ATP7B: variants seen among roughly 807,000 people sequenced by gnomAD.
ATP7B encodes ATPase copper transporting beta, also known as copper-transporting ATPase 2.
A neutral mutation model predicts 118.9 loss-of-function variants in ATP7B; 113 were observed. The ratio of observed to expected loss-of-function variants is 0.95; its 90% CI spans 0.82 to 1.11. ATP7B has a LOEUF of 1.11. Ranked by LOEUF, ATP7B falls within the 50% of genes most tolerant of loss-of-function variation. The pLI is 0.00. For synonymous variants in ATP7B, 777 were observed against 727.4 expected (o/e 1.07, Z -1.10); for missense variants, 1,867 against 1,871.4 (o/e 1.00, Z 0.04).
chr13:51,949,997 T>C lies in ATP7B; in HGVS notation c.2730+10A>G, dbSNP rs1593695636. On this transcript the variant is annotated intron_variant, in intron 11 of 20. Coordinates refer to ENST00000242839, the MANE Select transcript of ATP7B (RefSeq NM_000053.4). ...AAAGATGAAGTTAGTTTTAAAAATT[T>C]CTTCATTACCTTTGACATCTGAGCC... The C allele has an allele frequency of 6.2e-7, 1 of 1,614,206 alleles. No homozygotes were observed. The highest frequency in any genetic ancestry group is 1.1e-5 in the South Asian group (1 of 91,086).
chr13:51,934,217 C>T lies in ATP7B; in HGVS notation c.*539G>A, dbSNP rs1956835741. The T allele has an allele frequency of 4.9e-6, 1 of 205,598 alleles. No homozygotes were observed. Among genetic ancestry groups the T allele is most frequent in the Admixed American group, 5.2e-5 (1 of 19,136 alleles). 12.7% of individuals were successfully genotyped at this position (205,598 alleles called of 1,614,324 possible). A position where few individuals can be genotyped will look rare whatever the true frequency, so the allele number is the denominator to read the frequency against. The stretch of plus-strand genomic sequence containing the variant: ...TGCGAGGGGTCCCCACTGACAAGCA[C>T]ACAGGAGAGAAAAGGAACAGACTAT... On this transcript the variant is annotated 3_prime_UTR_variant, in exon 21 of 21. Transcript: ENST00000242839.
chr13:51,966,594 A>G (rs1050286037), intron 4 of ATP7B: 9 of 669,826 alleles, frequency 1.3e-5, no homozygotes, highest in East Asian at 8.1e-5. Context: ...GACTAGTTAA[A>G]TGCAGAAATT....
chr13:51,947,865 T>A (rs997651977), intron 12 of ATP7B: 1 of 152,126 alleles, frequency 6.6e-6, no homozygotes, highest in African/African-American at 2.4e-5. Context: ...TTTGCCAGCA[T>A]CCTCCCTGAT....
rs1193744248 is a variant in ATP7B at position 51,935,706 on chromosome 13, A to G, written c.4022-11T>C. 1 of 1,606,806 alleles carries G rather than the reference A, an allele frequency of 6.2e-7. No individual in the cohort carries two copies. Among genetic ancestry groups the G allele is most frequent in the Non-Finnish European group, 8.5e-7 (1 of 1,176,708 alleles). On this transcript the variant is annotated splice_polypyrimidine_tract_variant and intron_variant, in intron 19 of 20. Transcript: ENST00000242839. Reference sequence around the variant, plus strand: ...TGGGCATGAAGACACCTGGGGAAGAAAGAACTCGCACTCACACCTAGGTCT... The same window carrying G: ...TGGGCATGAAGACACCTGGGGAAGAGAGAACTCGCACTCACACCTAGGTCT...
intron 13 of ATP7B, among the ~76,000 whole-genome samples, chr13:51,945,852 T>C (rs1189019313): frequency 6.6e-5 from 10 of 151,950 alleles, no homozygotes; most frequent in Admixed American, 5.9e-4. Flanking sequence ...ACAAACACCG[T>C]CACTCACTCT....
At chr13:51,960,450 G>T in intron 6 of ATP7B, 128 bp from the exon 7 acceptor site, 1 of 1,189,546 alleles carries the variant, frequency 8.4e-7, no homozygotes, top group Non-Finnish European at 1.2e-6. Flanking sequence ...ACCACCAGGG[G>T]TTAAAATGAA....
intron 3 of ATP7B, 144 bp downstream of exon 3, chr13:51,970,348 A>G: frequency 1.7e-6 from 2 of 1,170,196 alleles, no homozygotes; most frequent in Admixed American, 1.8e-5. Context: ...ATACAAGGAC[A>G]TTAGACAAAC....
chr13:51,937,517 T>C lies in ATP7B; in HGVS notation c.3862A>G (p.Thr1288Ala), dbSNP rs1257330000. The C allele has an allele frequency of 1.2e-6, 2 of 1,614,196 alleles. No homozygotes were observed. Among genetic ancestry groups the C allele is most frequent in the South Asian group, 2.2e-5 (2 of 91,088 alleles). Residue 1288 changes from threonine (T) to alanine (A), a missense_variant, in exon 18 of 21, where the codon ACG becomes GCG. Transcript: ENST00000242839. ...TCGGCTGCCTCGATGGCCACATCCG[T>C]GCCGGTGCCAATGGCCACACCCATG... is the stretch of plus-strand genomic sequence containing the variant. ...ADMGVAIGTG[T>A]DVAIEAADVV...
intron 5 of ATP7B, among the ~76,000 whole-genome samples, chr13:51,963,473 T>C (rs995377045): frequency 4.3e-4 from 66 of 151,890 alleles, no homozygotes; most frequent in African/African-American, 1.3e-3. Context: ...CGGTGGCTCA[T>C]GCCTGTAATC....
At position 51,944,296 on chromosome 13, in the gene ATP7B, CA is replaced by C; in HGVS notation, c.3061-6del. On this transcript the variant is annotated splice_region_variant and splice_polypyrimidine_tract_variant and intron_variant, in intron 13 of 20. Transcript: ENST00000242839. Reference sequence around the variant, plus strand: ...GTCAAACATCACAGTCTTTATCTGCCAAAAACAACCACAACTCACTGACCAC... The same window carrying C: ...GTCAAACATCACAGTCTTTATCTGCCAAAACAACCACAACTCACTGACCAC... 1 of 1,613,688 alleles carries C rather than the reference CA, an allele frequency of 6.2e-7. No homozygotes were observed. The highest frequency in any genetic ancestry group is 8.5e-7 in the Non-Finnish European group (1 of 1,179,960).
rs746051031 is a variant in ATP7B at position 51,942,340 on chromosome 13, C to T, written c.3412+46G>A. On this transcript the variant is annotated intron_variant, in intron 15 of 20. Coordinates refer to ENST00000242839, the MANE Select transcript of ATP7B (RefSeq NM_000053.4). ...GGGCGTGGTGCTCTCTGTGGTTTGACCCACCTCTACTTTTAACCAGCTGCA... is the reference window on the plus strand; with the variant it reads ...GGGCGTGGTGCTCTCTGTGGTTTGATCCACCTCTACTTTTAACCAGCTGCA... 24 of 1,610,994 alleles carry T rather than the reference C, an allele frequency of 1.5e-5. No homozygotes were observed. The South Asian group carries it at 2.6e-4, about 18-fold the overall frequency.
intron 1 of ATP7B, among the ~76,000 whole-genome samples, chr13:52,005,975 G>A (rs982154075): frequency 3.9e-5 from 6 of 152,218 alleles, no homozygotes; most frequent in African/African-American, 9.6e-5. Flanking sequence ...CACCTGGCCC[G>A]CCCAGGGCAG....
chr13:51,985,437 A>G (rs1479337320), intron 1 of ATP7B, among the ~76,000 whole-genome samples: 1 of 152,182 alleles, frequency 6.6e-6, no homozygotes, highest in Non-Finnish European at 1.5e-5. Context: ...GAGACCTACA[A>G]AAAGACTTAG....
rs1449233606 is a variant in ATP7B at position 51,944,245 on chromosome 13, A to T, written c.3107T>A (p.Val1036Asp). The change falls in exon 14 of 21, where the codon GTC (valine) becomes GAC (aspartate). Residue 1036 changes from valine (V) to aspartate (D), a missense_variant. Physicochemically the swap from Val to Asp is radical, Grantham distance 152. Coordinates refer to ENST00000242839, the MANE Select transcript of ATP7B (RefSeq NM_000053.4). ...CAGGAGCACCCGCATGACCCTGGGGACGCCATGGGTAATGGTGCCAGTCTT... is the reference window on the plus strand; with the variant it reads ...CAGGAGCACCCGCATGACCCTGGGGTCGCCATGGGTAATGGTGCCAGTCTT... ...FDKTGTITHG[V>D]PRVMRVLLLG... The T allele has an allele frequency of 6.2e-7, 1 of 1,614,050 alleles. No homozygotes were observed. The highest frequency in any genetic ancestry group is 1.1e-5 in the South Asian group (1 of 91,078).
chr13:51,991,535 C>A (rs1428975423), intron 1 of ATP7B, among the ~76,000 whole-genome samples: 1 of 152,084 alleles, frequency 6.6e-6, no homozygotes, highest in Non-Finnish European at 1.5e-5. Context: ...CAAGCTTGGC[C>A]AAAGAAGTCA....
intron 4 of ATP7B, chr13:51,966,821 G>A (rs1951573277): frequency 3.1e-6 from 5 of 1,613,244 alleles, no homozygotes; most frequent in Non-Finnish European, 4.2e-6. Context: ...AAGGAGCTAG[G>A]AGTGGGAATA....
intron 1 of ATP7B, among the ~76,000 whole-genome samples, chr13:51,988,067 TTAAAC>T (rs1238483045): frequency 1.3e-5 from 2 of 152,072 alleles, no homozygotes; most frequent in Non-Finnish European, 2.9e-5. Flanking sequence ...TGGGATCTAA[TTAAAC>T]TAAAGAGCTT....
chr13:51,957,669 T>A, intron 8 of ATP7B, 62 bp from the exon 9 acceptor site: 6 of 1,505,722 alleles, frequency 4.0e-6, no homozygotes, highest in Non-Finnish European at 5.5e-6. Context: ...AAACCCAGCC[T>A]GAGAGTCACA....
At chr13:51,983,223 G>A (rs1952504818) in intron 1 of ATP7B, among the ~76,000 whole-genome samples, 2 of 152,150 alleles carry the variant, frequency 1.3e-5, no homozygotes, top group Admixed American at 6.5e-5. Context: ...CTCAAGCTTG[G>A]TCGGGGGAGG....
Sources: allele counts gnomAD v4.1 joint callset (sites outside exome capture counted in the v4.1 genomes callset), GRCh38; gene constraint gnomAD v4.1.1; transcripts MANE v1.5; gene names NCBI Gene and HGNC (gene_info 2026-07-23, HGNC 2026-07-21).